Variants in BRD3 observed in about 807,000 individuals in gnomAD.
The protein encoded by BRD3 is bromodomain containing 3.
Under a neutral mutation model 66.8 loss-of-function variants are expected in BRD3, and 17 were observed. The ratio of observed to expected loss-of-function variants is 0.25; its 90% CI spans 0.17 to 0.38. The LOEUF is 0.38. Among genes scored for constraint, BRD3 ranks in the 10% least tolerant of loss-of-function variants. The probability of loss-of-function intolerance (pLI) is 1.00; values close to 1 mark genes in which losing one functional copy is unlikely to be tolerated. For missense variants in BRD3, 713 were observed against 956.1 expected (o/e 0.75, Z 3.35); for synonymous variants, 421 against 393.2 (o/e 1.07, Z -0.84).
intron 5 of BRD3, among the ~76,000 whole-genome samples, chr9:134,049,484 C>G (rs1370857419): frequency 1.3e-5 from 2 of 152,234 alleles, no homozygotes; most frequent in African/African-American, 4.8e-5. Flanking sequence ...TTGGCAGGCA[C>G]CCACGTGCTG....
chr9:134,067,045 C>G (rs575711911), intron 1 of BRD3, among the ~76,000 whole-genome samples: 1 of 152,252 alleles, frequency 6.6e-6, no homozygotes, highest in African/African-American at 2.4e-5. Context: ...GCTTTATTCA[C>G]AGAGAGCCCA....
chr9:134,035,624 G>A (rs1277974418), intron 10 of BRD3, among the ~76,000 whole-genome samples: 1 of 152,252 alleles, frequency 6.6e-6, no homozygotes, highest in Non-Finnish European at 1.5e-5. Flanking sequence ...GGGACCATGA[G>A]AGGTCACCTG....
In BRD3 at chr9:134,048,383, C is replaced by A; in HGVS notation, c.786G>T (p.Glu262Asp). 6.3e-7 allele frequency: 1 copy of A among 1,598,512 alleles called. No homozygotes were observed. The highest frequency in any genetic ancestry group is 8.5e-7 in the Non-Finnish European group (1 of 1,179,858). ...TGGGGTCTGACAACGGCGGGGGCGA[C>A]TCACTCCGGCTGGCAGTGATGGCCG... ...TTSAITASRS[E>D]SPPPLSDPKQ... The change falls in exon 6 of 12, where the codon GAG becomes GAT. Residue 262 changes from glutamate (E) to aspartate (D), a missense_variant. Glu to Asp is a conservative substitution (Grantham distance 45, BLOSUM62 2). Coordinates refer to ENST00000303407, the MANE Select transcript of BRD3 (RefSeq NM_007371.4).
intron 9 of BRD3, chr9:134,036,633 A>G: frequency 7.1e-7 from 1 of 1,404,948 alleles, no homozygotes; most frequent in Non-Finnish European, 1.0e-6. Context: ...AAGGGGGAAC[A>G]AAGGAACAGA....
intron 3 of BRD3, 136 bp downstream of exon 3, chr9:134,052,170 G>A: frequency 8.8e-7 from 1 of 1,132,214 alleles, no homozygotes; most frequent in Non-Finnish European, 1.2e-6. Flanking sequence ...TGGGATTACA[G>A]GTGTGAGCCA....
At chr9:134,036,388 C>G in intron 9 of BRD3, 64 bp from the exon 10 acceptor site, 1 of 1,573,674 alleles carries the variant, frequency 6.4e-7, no homozygotes, top group South Asian at 1.2e-5. Flanking sequence ...GAGCCCACTG[C>G]ACACACCCCT....
intron 1 of BRD3, among the ~76,000 whole-genome samples, chr9:134,067,605 G>T (rs1830694403): frequency 6.8e-6 from 1 of 146,404 alleles, no homozygotes; most frequent in Admixed American, 6.8e-5. Flanking sequence ...GCTGGCGCGG[G>T]GCGCGCGGGC....
intron 1 of BRD3, among the ~76,000 whole-genome samples, chr9:134,054,689 T>C (rs1564557701): frequency 6.6e-6 from 1 of 152,122 alleles, no homozygotes; most frequent in Non-Finnish European, 1.5e-5. Context: ...CGGCCACTTG[T>C]AGACGCTCGG....
chr9:134,043,300 T>C (rs900739823), intron 7 of BRD3, among the ~76,000 whole-genome samples: 3 of 152,162 alleles, frequency 2.0e-5, no homozygotes, highest in African/African-American at 7.2e-5. Context: ...TGGAAAGCCT[T>C]TGGACCAGGA....
intron 7 of BRD3, among the ~76,000 whole-genome samples, chr9:134,042,597 A>T (rs757161604): frequency 6.6e-6 from 1 of 151,760 alleles, no homozygotes; most frequent in Non-Finnish European, 1.5e-5. Context: ...AAATCATGCC[A>T]CTGCACTCCA....
intron 1 of BRD3, among the ~76,000 whole-genome samples, chr9:134,062,654 G>A (rs1830569391): frequency 6.6e-6 from 1 of 152,136 alleles, no homozygotes; most frequent in African/African-American, 2.4e-5. Flanking sequence ...GGACTCAAAG[G>A]ACGCTCTACC....
chr9:134,042,051 C>T (rs991680513), intron 7 of BRD3, 100 bp from the exon 8 acceptor site: 11 of 1,316,720 alleles, frequency 8.4e-6, no homozygotes, highest in Admixed American at 3.1e-5. Context: ...AGGCAGCACC[C>T]ACAGCTGTTA....
chr9:134,050,739 A>T (rs1450148199), intron 4 of BRD3, 151 bp from the exon 5 acceptor site: 1 of 654,840 alleles, frequency 1.5e-6, no homozygotes, highest in African/African-American at 1.8e-5. Flanking sequence ...GATGCCCCCC[A>T]TCCTGCATCT....
At chr9:134,044,476 C>T (rs1296807057) in intron 7 of BRD3, among the ~76,000 whole-genome samples, 1 of 152,150 alleles carries the variant, frequency 6.6e-6, no homozygotes, top group Non-Finnish European at 1.5e-5. Flanking sequence ...GAAAAGCATG[C>T]TGGAAGAGAA....
chr9:134,052,535 G>A (rs1830327322), intron 2 of BRD3, 92 bp from the exon 3 acceptor site: 15 of 1,411,408 alleles, frequency 1.1e-5, no homozygotes, highest in Non-Finnish European at 1.4e-5. Context: ...TTCCCAAGTG[G>A]ACTGAGGACT....
In BRD3 at chr9:134,032,842, TTTTTTTTTTTTTTAAATCTTTTCTTC is replaced by T; in HGVS notation, c.*722_*747del. ...CCGAACCTTACAAAAAAAGTCTCCTTTTTTTTTTTTTTTAAATCTTTTCTTCTTTTTTTTTTTTTAAAGTTGAGGTA... is the reference window on the plus strand; with the variant it reads ...CCGAACCTTACAAAAAAAGTCTCCTTTTTTTTTTTTTTTAAAGTTGAGGTA... On this transcript the variant is annotated 3_prime_UTR_variant, in exon 12 of 12. Coordinates refer to ENST00000303407, the MANE Select transcript of BRD3 (RefSeq NM_007371.4). 1 of 214,366 alleles carries T rather than the reference TTTTTTTTTTTTTTAAATCTTTTCTTC, an allele frequency of 4.7e-6. No individual in the cohort carries two copies. Among genetic ancestry groups the T allele is most frequent in the South Asian group, 2.4e-4 (1 of 4,102 alleles). The allele number at this position is 214,366 out of a possible 1,614,324, so 13.3% of individuals were successfully genotyped here.
chr9:134,051,868 TGTGTGTG>T (rs1386299484), intron 3 of BRD3, among the ~76,000 whole-genome samples, 159 bp from the exon 4 acceptor site: 92 of 113,950 alleles, frequency 8.1e-4, no homozygotes, highest in African/African-American at 3.5e-3. Context: ...TGTGTGTGTG[TGTGTGTG>T]TGTTGTTTTT....
Position 134,067,820 on chromosome 9 carries a change from T to C in BRD3, c.-114+125A>G, listed in dbSNP as rs1305017758. 9 of 140,504 alleles carry C rather than the reference T, an allele frequency of 6.4e-5. No individual in the cohort carries two copies. In the South Asian group the frequency reaches 2.1e-3, roughly 33 times the overall value. 8.7% of individuals were successfully genotyped at this position (140,504 alleles called of 1,614,324 possible). Reference sequence around the variant, plus strand: ...GGCGGCGGCGGCCCCGGGCGCCCGGTTCACCCGGACGCGCCGGCGGACTGC... The same window carrying C: ...GGCGGCGGCGGCCCCGGGCGCCCGGCTCACCCGGACGCGCCGGCGGACTGC... On this transcript the variant is annotated intron_variant, in intron 1 of 11. Coordinates refer to ENST00000303407, the MANE Select transcript of BRD3 (RefSeq NM_007371.4).
chr9:134,061,722 G>A (rs1830547570), intron 1 of BRD3, among the ~76,000 whole-genome samples: 2 of 152,222 alleles, frequency 1.3e-5, no homozygotes, highest in South Asian at 2.1e-4. Flanking sequence ...GACGCTCAGA[G>A]GTGAAGGGGC....
Sources: allele counts gnomAD v4.1 joint callset (sites outside exome capture counted in the v4.1 genomes callset), GRCh38; gene constraint gnomAD v4.1.1; transcripts MANE v1.5; gene names NCBI Gene and HGNC (gene_info 2026-07-23, HGNC 2026-07-21).